SNRPA: variants seen among roughly 807,000 people sequenced by gnomAD.
The protein encoded by SNRPA is U1 small nuclear ribonucleoprotein A.
In SNRPA, 10 loss-of-function variants were observed where a neutral mutation model predicts 24.5. That is an observed-to-expected ratio of 0.41 (90% CI 0.25 to 0.69). The LOEUF (loss-of-function observed/expected upper bound fraction) is 0.69. Ranked by LOEUF, SNRPA falls within the 30% of genes least tolerant of loss-of-function variation. The probability of loss-of-function intolerance (pLI) is 0.33; values close to 1 mark genes in which losing one functional copy is unlikely to be tolerated. For synonymous variants in SNRPA, 165 were observed against 148.4 expected (o/e 1.11, Z -0.81); for missense variants, 283 against 394.7 (o/e 0.72, Z 2.40).
chr19:40,756,454 G>A (rs1043044840), intron 1 of SNRPA, among the ~76,000 whole-genome samples: 9 of 151,806 alleles, frequency 5.9e-5, no homozygotes, highest in African/African-American at 2.2e-4. Context: ...AAATTAGCTG[G>A]GCATGGTGGC....
intron 1 of SNRPA, chr19:40,757,049 A>C (rs2082911446): frequency 2.7e-6 from 1 of 372,940 alleles, no homozygotes; most frequent in South Asian, 2.5e-5. Context: ...AGAATCACTC[A>C]TTTATCGAGT....
intron 5 of SNRPA, among the ~76,000 whole-genome samples, chr19:40,764,060 CAA>C (rs1294374712): frequency 6.6e-6 from 1 of 152,178 alleles, no homozygotes; most frequent in East Asian, 1.9e-4. Context: ...TCAGAAACAG[CAA>C]GTGTGGGAGA....
chr19:40,762,673 C>G (rs1051076930), intron 3 of SNRPA, among the ~76,000 whole-genome samples: 3 of 152,176 alleles, frequency 2.0e-5, no homozygotes, highest in African/African-American at 4.8e-5. Flanking sequence ...CTCCTGTGCT[C>G]AAGTGATCCT....
At chr19:40,762,528 TC>T (rs1335288146) in intron 3 of SNRPA, among the ~76,000 whole-genome samples, 1 of 152,010 alleles carries the variant, frequency 6.6e-6, no homozygotes, top group Non-Finnish European at 1.5e-5. Flanking sequence ...ACCACACATT[TC>T]TTTCTGCACC....
intron 1 of SNRPA, 31 bp downstream of exon 1, chr19:40,751,512 C>T: frequency 6.6e-7 from 1 of 1,507,990 alleles, no homozygotes; most frequent in Non-Finnish European, 9.2e-7. Flanking sequence ...GGAGTCCAGA[C>T]TGTCCCGCAC....
chr19:40,756,320 G>T (rs1015400440), intron 1 of SNRPA, among the ~76,000 whole-genome samples: 4 of 151,734 alleles, frequency 2.6e-5, no homozygotes, highest in Admixed American at 1.3e-4. Context: ...TTGCAGCCAG[G>T]TGTGGTGGCA....
rs139174140 is a variant in SNRPA at position 40,762,459 on chromosome 19, C to T, written c.427-442C>T. ...CTCAAACTCCTAACCTCAGGCGATCCGCCTGCCTCGGCCTCCCAAAGTGTT... is the reference window on the plus strand; with the variant it reads ...CTCAAACTCCTAACCTCAGGCGATCTGCCTGCCTCGGCCTCCCAAAGTGTT... On this transcript the variant is annotated intron_variant, in intron 3 of 5. Transcript: ENST00000243563. Among the ~76,000 whole-genome samples, 49 of 152,132 alleles carry T rather than the reference C, an allele frequency of 3.2e-4. No homozygotes were observed. In the East Asian group the frequency reaches 7.2e-3, roughly 22 times the overall value.
chr19:40,762,813 A>G (rs968585526), intron 3 of SNRPA, 88 bp from the exon 4 acceptor site: 3 of 1,400,014 alleles, frequency 2.1e-6, no homozygotes, highest in African/African-American at 1.4e-5. Context: ...TTTTCCTTAC[A>G]TCTCTCACCC....
chr19:40,759,370 G>T, intron 2 of SNRPA, 61 bp from the exon 3 acceptor site: 2 of 1,496,378 alleles, frequency 1.3e-6, no homozygotes, highest in South Asian at 2.6e-5. Context: ...GTCCAATTTT[G>T]AATCTTGGCA....
At chr19:40,762,212 C>CTTTGTT (rs915475191) in intron 3 of SNRPA, among the ~76,000 whole-genome samples, 7 of 151,748 alleles carry the variant, frequency 4.6e-5, no homozygotes, top group Admixed American at 1.3e-4. Context: ...CACTGCCCTC[C>CTTTGTT]TTTGTTTTTG....
At chr19:40,755,664 C>T (rs1226091341) in intron 1 of SNRPA, among the ~76,000 whole-genome samples, 1 of 152,234 alleles carries the variant, frequency 6.6e-6, no homozygotes, top group Non-Finnish European at 1.5e-5. Flanking sequence ...GTGTGAGCCA[C>T]CATGCTTGGC....
At chr19:40,755,100 G>A (rs1451107896) in intron 1 of SNRPA, among the ~76,000 whole-genome samples, 1 of 150,790 alleles carries the variant, frequency 6.6e-6, no homozygotes, top group African/African-American at 2.4e-5. Context: ...TTTTTGAGAT[G>A]GAGTTTCGAT....
chr19:40,753,394 T>G (rs1001239679), intron 1 of SNRPA, among the ~76,000 whole-genome samples: 3 of 101,858 alleles, frequency 2.9e-5, no homozygotes, highest in African/African-American at 4.3e-5. Context: ...GTTTTTTTTT[T>G]TTTTTTTTTT....
At chr19:40,758,459 A>G (rs894753726) in intron 2 of SNRPA, among the ~76,000 whole-genome samples, 12 of 152,166 alleles carry the variant, frequency 7.9e-5, no homozygotes, top group African/African-American at 2.9e-4. Context: ...ATCCCCCTGC[A>G]CTGCACTCCT....
chr19:40,759,305 C>T (rs1413134768), intron 2 of SNRPA, 126 bp from the exon 3 acceptor site: 1 of 874,056 alleles, frequency 1.1e-6, no homozygotes, highest in Non-Finnish European at 1.7e-6. Flanking sequence ...TCGCTTTAGC[C>T]TCCCAAAGGG....
At chr19:40,761,917 G>A (rs1174487505) in intron 3 of SNRPA, among the ~76,000 whole-genome samples, 1 of 152,118 alleles carries the variant, frequency 6.6e-6, no homozygotes, top group Admixed American at 6.6e-5. Flanking sequence ...CACTCCTTAG[G>A]TCTCTGAGCC....
intron 1 of SNRPA, among the ~76,000 whole-genome samples, chr19:40,756,355 G>A (rs1318408856): frequency 6.6e-6 from 1 of 151,846 alleles, no homozygotes; most frequent in Admixed American, 6.6e-5. Context: ...CAGCACTTTC[G>A]GAGGCCAAGG....
At position 40,753,221 on chromosome 19, in the gene SNRPA, G is replaced by A. The variant is rs956317422; in HGVS notation, c.73+1740G>A. ...AATACAAAAATCAGCTGGATGTGGC[G>A]GTGCGCACCTACAGTCCCAGCTACT... On this transcript the variant is annotated intron_variant, in intron 1 of 5. Transcript: ENST00000243563. Among the ~76,000 whole-genome samples the A allele has an allele frequency of 7.9e-5, 12 of 151,610 alleles. 1 individual carries two copies. Among genetic ancestry groups the A allele is most frequent in the African/African-American group, 2.4e-4 (10 of 41,340 alleles).
chr19:40,763,958 C>A (rs1568486250), intron 5 of SNRPA, among the ~76,000 whole-genome samples: 1 of 152,182 alleles, frequency 6.6e-6, no homozygotes, highest in South Asian at 2.1e-4. Context: ...ATTTTCCCAG[C>A]CCCTAAAATG....
Sources: allele counts gnomAD v4.1 joint callset (sites outside exome capture counted in the v4.1 genomes callset), GRCh38; gene constraint gnomAD v4.1.1; transcripts MANE v1.5; gene names NCBI Gene and HGNC (gene_info 2026-07-23, HGNC 2026-07-21).